Variants in EXD3 observed in about 807,000 individuals in gnomAD.
The protein encoded by EXD3 is exonuclease mut-7 homolog.
In EXD3, 92 loss-of-function variants were observed where a neutral mutation model predicts 98.0. The observed-to-expected ratio is 0.94, with a 90% CI of 0.79 to 1.12. EXD3 has a LOEUF of 1.12. Ranked by LOEUF, EXD3 falls within the 50% of genes most tolerant of loss-of-function variation. The pLI is 0.00. For synonymous variants in EXD3, 569 were observed against 526.0 expected (o/e 1.08, Z -1.12); for missense variants, 1,222 against 1,191.6 (o/e 1.03, Z -0.38).
intron 1 of EXD3, among the ~76,000 whole-genome samples, chr9:137,418,327 G>C (rs758840997): frequency 1.1e-4 from 17 of 152,222 alleles, no homozygotes; most frequent in Non-Finnish European, 2.2e-4. Flanking sequence ...TCCAGCCTGG[G>C]CGACAAGAGC....
chr9:137,381,448 C>T (rs1272367297), intron 3 of EXD3, among the ~76,000 whole-genome samples: 1 of 145,880 alleles, frequency 6.9e-6, no homozygotes, highest in Non-Finnish European at 1.5e-5. Context: ...AAGACAGGAA[C>T]ACCCCACCAC....
intron 1 of EXD3, among the ~76,000 whole-genome samples, chr9:137,399,420 G>A (rs1478715441): frequency 6.6e-6 from 1 of 152,180 alleles, no homozygotes; most frequent in African/African-American, 2.4e-5. Flanking sequence ...GAATTACTTT[G>A]TCTTCTCATC....
Position 137,395,519 on chromosome 9 carries a change from A to C in EXD3, c.-47-115T>G. 3.2e-6 allele frequency: 3 copies of C among 937,890 alleles called. No individual in the cohort carries two copies. Among genetic ancestry groups the C allele is most frequent in the Non-Finnish European group, 4.8e-6 (3 of 625,008 alleles). The allele number at this position is 937,890 out of a possible 1,614,324, so 58.1% of individuals were successfully genotyped here. A position where few individuals can be genotyped will look rare whatever the true frequency, so the allele number is the denominator to read the frequency against. The stretch of plus-strand genomic sequence containing the variant: ...GGGAGCTGGTGCCTGGGGGGGCCCA[A>C]GTGGGACCCCCAGTCGCTGAGCATA... On this transcript the variant is annotated intron_variant, in intron 1 of 21. Transcript: ENST00000340951. The surrounding 1 kb of genome is among the most constrained non-coding windows in gnomAD (Gnocchi z 6.5).
chr9:137,356,404 T>C (rs753808444), intron 7 of EXD3, 36 bp from the exon 8 acceptor site: 20 of 1,297,884 alleles, frequency 1.5e-5, no homozygotes, highest in Non-Finnish European at 2.1e-5. Flanking sequence ...CTGTTGCTGT[T>C]TTAAGTTAAT....
chr9:137,329,938 G>GACTACACAGT (rs1832899089), intron 17 of EXD3, among the ~76,000 whole-genome samples: 1 of 105,266 alleles, frequency 9.5e-6, no homozygotes, highest in African/African-American at 4.7e-5. Flanking sequence ...GACTACACAG[G>GACTACACAGT]ACTATGCAGG....
At chr9:137,404,949 C>T (rs1837645553) in intron 1 of EXD3, among the ~76,000 whole-genome samples, 1 of 152,148 alleles carries the variant, frequency 6.6e-6, no homozygotes, top group African/African-American at 2.4e-5. Flanking sequence ...CTGCCTCAGC[C>T]CCTACCTATC....
At chr9:137,355,062 G>C (rs1441704397) in intron 8 of EXD3, among the ~76,000 whole-genome samples, 2 of 152,170 alleles carry the variant, frequency 1.3e-5, no homozygotes, top group Admixed American at 1.3e-4. Flanking sequence ...TTCCTTCTTG[G>C]CGTTGGCATC....
intron 1 of EXD3, among the ~76,000 whole-genome samples, chr9:137,414,995 C>G (rs903428131): frequency 5.3e-5 from 8 of 151,184 alleles, no homozygotes; most frequent in Non-Finnish European, 1.0e-4. Flanking sequence ...TCAAGTGATT[C>G]TCCTGCCTCA....
chr9:137,411,659 C>T (rs1343521306), intron 1 of EXD3, among the ~76,000 whole-genome samples: 3 of 147,618 alleles, frequency 2.0e-5, no homozygotes, highest in Non-Finnish European at 3.0e-5. Flanking sequence ...CCACCAGCCC[C>T]GGGACCTGGA....
rs973569127 is a variant in EXD3, at chr9:137,393,381, G to A, written c.55+1922C>T. On this transcript the variant is annotated intron_variant, in intron 2 of 21. Coordinates refer to ENST00000340951, the MANE Select transcript of EXD3 (RefSeq NM_017820.5). This position sits in a 1 kb window ranked among gnomAD's most constrained non-coding sequence, Gnocchi z 4.6. ...GCCCGCAGATGGCCTCAGAGGAGGC[G>A]GTGGATGAACGGAAGGGTGAGGGGG... 21 of 641,380 alleles carry A rather than the reference G, an allele frequency of 3.3e-5. No homozygotes were observed. Among genetic ancestry groups the A allele is most frequent in the South Asian group, 1.2e-4 (7 of 58,346 alleles). 39.7% of individuals were successfully genotyped at this position (641,380 alleles called of 1,614,324 possible). A position where few individuals can be genotyped will look rare whatever the true frequency, so the allele number is the denominator to read the frequency against.
chr9:137,375,874 C>G (rs1835874006), intron 3 of EXD3, among the ~76,000 whole-genome samples: 2 of 152,154 alleles, frequency 1.3e-5, no homozygotes, highest in Admixed American at 6.6e-5. Flanking sequence ...AGGAAGCAAG[C>G]CACCATGAGT....
intron 17 of EXD3, among the ~76,000 whole-genome samples, chr9:137,327,650 TA>T (rs145599492): frequency 0.018 from 1,363 of 76,860 alleles, 14 homozygotes; most frequent in East Asian, 0.024. Context: ...ATATGATGAG[TA>T]AAAACAACCA....
At chr9:137,397,780 A>T (rs1454814209) in intron 1 of EXD3, among the ~76,000 whole-genome samples, 1 of 152,010 alleles carries the variant, frequency 6.6e-6, no homozygotes, top group Non-Finnish European at 1.5e-5. Context: ...CAAACTGTAC[A>T]AAAAAATTAA....
At chr9:137,335,906 T>C (rs930983579) in intron 17 of EXD3, among the ~76,000 whole-genome samples, 1 of 152,008 alleles carries the variant, frequency 6.6e-6, no homozygotes, top group Non-Finnish European at 1.5e-5. Context: ...CATCAAGCAA[T>C]GAGTGGATTA....
chr9:137,375,282 C>T lies in EXD3; in HGVS notation c.121-1683G>A, dbSNP rs545825738. ...TCGGCCTCCCAAAGTGCTGGGATTA[C>T]AGGCGTGAGCCACCGCGCCCGGCCC... On this transcript the variant is annotated intron_variant, in intron 3 of 21. Coordinates refer to ENST00000340951, the MANE Select transcript of EXD3 (RefSeq NM_017820.5). Among the ~76,000 whole-genome samples, 16 of 152,288 alleles carry T rather than the reference C, an allele frequency of 1.1e-4. No individual in the cohort carries two copies. In the East Asian group the frequency reaches 2.9e-3, roughly 28 times the overall value.
chr9:137,389,754 C>A (rs1418351955), intron 2 of EXD3, among the ~76,000 whole-genome samples: 1 of 152,126 alleles, frequency 6.6e-6, no homozygotes, highest in Non-Finnish European at 1.5e-5. Flanking sequence ...CATTCTGCAA[C>A]CGCAGGTCAG....
At chr9:137,369,536 G>A (rs530998865) in intron 5 of EXD3, among the ~76,000 whole-genome samples, 1 of 152,210 alleles carries the variant, frequency 6.6e-6, no homozygotes, top group Non-Finnish European at 1.5e-5. Context: ...AGCAGGTGAC[G>A]CTGGGACCAG....
At chr9:137,388,331 C>T (rs1459579903) in intron 2 of EXD3, among the ~76,000 whole-genome samples, 22 of 152,048 alleles carry the variant, frequency 1.4e-4, no homozygotes, top group Non-Finnish European at 2.9e-4. Flanking sequence ...GGCTCCCCAG[C>T]TGACACCCCC....
At chr9:137,353,672 G>T (rs1312238287) in intron 10 of EXD3, 3 of 985,724 alleles carry the variant, frequency 3.0e-6, no homozygotes, top group East Asian at 2.3e-4. Flanking sequence ...GCCCCCGCTG[G>T]GAAATGCAGG....
Sources: allele counts gnomAD v4.1 joint callset (sites outside exome capture counted in the v4.1 genomes callset), GRCh38; gene constraint gnomAD v4.1.1; non-coding constraint Gnocchi (gnomAD v3.1); transcripts MANE v1.5; gene names NCBI Gene and HGNC (gene_info 2026-07-23, HGNC 2026-07-21).